SPOCD1: variants seen among roughly 807,000 people sequenced by gnomAD.
The protein encoded by SPOCD1 is SPOC domain containing 1.
Under a neutral mutation model 92.2 loss-of-function variants are expected in SPOCD1, and 64 were observed. That is an observed-to-expected ratio of 0.69 (90% CI 0.57 to 0.86). The LOEUF (loss-of-function observed/expected upper bound fraction) is 0.86, where lower values mean the gene tolerates loss of function less well. Among genes scored for constraint, SPOCD1 ranks in the 40% least tolerant of loss-of-function variants. The probability of loss-of-function intolerance (pLI) is 0.00; values close to 1 mark genes in which losing one functional copy is unlikely to be tolerated. For missense variants in SPOCD1, 1,360 were observed against 1,543.1 expected (o/e 0.88, Z 1.99); for synonymous variants, 578 against 619.3 (o/e 0.93, Z 0.99).
intron 15 of SPOCD1, 111 bp from the exon 16 acceptor site, chr1:31,791,402 AG>A (rs1647584202): frequency 1.4e-5 from 12 of 855,964 alleles, no homozygotes; most frequent in Non-Finnish European, 1.7e-5. Context: ...AAAAGTAAGT[AG>A]GAAGGTGGGG....
intron 10 of SPOCD1, 150 bp downstream of exon 10, chr1:31,796,440 G>A (rs1648026512): frequency 3.3e-6 from 4 of 1,205,044 alleles, no homozygotes; most frequent in South Asian, 1.3e-5. Context: ...GTTCCCCTAT[G>A]CGTTAAGGAT....
At chr1:31,801,922 C>G (rs1648495207) in intron 2 of SPOCD1, among the ~76,000 whole-genome samples, 1 of 152,212 alleles carries the variant, frequency 6.6e-6, no homozygotes, top group African/African-American at 2.4e-5. Context: ...AATCCCAGCA[C>G]TTTGGGAGGC....
chr1:31,796,484 CT>C (rs747356830), intron 10 of SPOCD1, 105 bp downstream of exon 10: 3 of 1,565,888 alleles, frequency 1.9e-6, no homozygotes, highest in Admixed American at 1.7e-5. Flanking sequence ...CAAGGTGGGC[CT>C]CAGAGCAGTC....
At chr1:31,810,262 C>G (rs1207469473) in intron 2 of SPOCD1, among the ~76,000 whole-genome samples, 1 of 152,024 alleles carries the variant, frequency 6.6e-6, no homozygotes, top group Admixed American at 6.6e-5. Context: ...AACCCTGGCT[C>G]GGCCACTTAC....
At position 31,814,517 on chromosome 1, in the gene SPOCD1, C is replaced by G; in HGVS notation, c.817G>C (p.Gly273Arg). The G allele has an allele frequency of 6.5e-7, 1 of 1,540,178 alleles. No individual in the cohort carries two copies. The highest frequency in any genetic ancestry group is 2.3e-5 in the East Asian group (1 of 44,004). The change falls in exon 2 of 16, where the codon GGA becomes CGA. Residue 273 changes from glycine (G) to arginine (R), a missense_variant. Gly to Arg is a moderately radical substitution (Grantham distance 125). Transcript: ENST00000360482. This position sits in a 1 kb window ranked among gnomAD's most constrained non-coding sequence, Gnocchi z 4.2. ...DTGSGPGEPGGSGAGCASGTE... is the reference protein window; with the variant it reads ...DTGSGPGEPGRSGAGCASGTE... The stretch of plus-strand genomic sequence containing the variant: ...CCTGAGGCACATCCTGCCCCACTTC[C>G]ACCTGGCTCTCCAGGCCCAGACCCA...
rs1415392185 is a variant in SPOCD1, at chr1:31,793,523, C to T, written c.2535-95G>A. The T allele has an allele frequency of 2.0e-6, 3 of 1,523,868 alleles. No individual in the cohort carries two copies. In the South Asian group the frequency reaches 3.6e-5, roughly 18 times the overall value. 94.4% of individuals were successfully genotyped at this position (1,523,868 alleles called of 1,614,324 possible). A position where few individuals can be genotyped will look rare whatever the true frequency, so the allele number is the denominator to read the frequency against. On this transcript the variant is annotated intron_variant, in intron 12 of 15. Coordinates refer to ENST00000360482, the MANE Select transcript of SPOCD1 (RefSeq NM_144569.7). Reference sequence around the variant, plus strand: ...TTTCAGAGCAGATCCTGTGTCCCTACTGTGGGGACTGGAACACTGGCCCAA... The same window carrying T: ...TTTCAGAGCAGATCCTGTGTCCCTATTGTGGGGACTGGAACACTGGCCCAA...
chr1:31,806,328 A>G (rs1234504082), intron 2 of SPOCD1, among the ~76,000 whole-genome samples: 1 of 152,198 alleles, frequency 6.6e-6, no homozygotes, highest in African/African-American at 2.4e-5. Context: ...TCCAGTATAC[A>G]TGCAACATAT....
Position 31,814,055 on chromosome 1 carries a change from T to C in SPOCD1, c.1279A>G (p.Lys427Glu), listed in dbSNP as rs748224733. 1 of 1,613,706 alleles carries C rather than the reference T, an allele frequency of 6.2e-7. No individual in the cohort carries two copies. The change falls in exon 2 of 16, where the codon AAA becomes GAA. Residue 427 changes from lysine to glutamate, a missense_variant. By Grantham distance (56) the Lys-to-Glu change is moderately conservative. Transcript: ENST00000360482. The surrounding 1 kb of genome is among the most constrained non-coding windows in gnomAD (Gnocchi z 4.2). ...TCTTGGGCACAGGGCACTGGACCTT[T>C]CTTCAGGTTCTTAGTGCCCTTGGAT... ...RRSKGTKNLK[K>E]GPVPCAQDRG...
intron 2 of SPOCD1, among the ~76,000 whole-genome samples, chr1:31,810,365 T>C (rs1649119517): frequency 6.6e-6 from 1 of 151,210 alleles, no homozygotes; most frequent in Non-Finnish European, 1.5e-5. Context: ...TTTTTTTTTT[T>C]TTTTTTGAGA....
rs980226237 is a variant in SPOCD1, at chr1:31,800,110, G to A, written c.1634C>T (p.Ala545Val). ...GTCAGAGAGGCCACCAGGGTCCCCT[G>A]CTGTGCCTCCTGAAGGAGAAGGCTG... ...VFQPSPSGGT[A>V]GDPGGLSDPF... The change falls in exon 5 of 16, where the codon GCA becomes GTA. Residue 545 changes from alanine to valine, a missense_variant. Physicochemically the swap from Ala to Val is moderately conservative, Grantham distance 64. Coordinates refer to ENST00000360482, the MANE Select transcript of SPOCD1 (RefSeq NM_144569.7). 3 of 1,604,876 alleles carry A rather than the reference G, an allele frequency of 1.9e-6. No individual in the cohort carries two copies. The highest frequency in any genetic ancestry group is 1.8e-5 in the Admixed American group (1 of 56,626).
At chr1:31,799,931 T>C in intron 5 of SPOCD1, 68 bp from the exon 6 acceptor site, 1 of 1,613,452 alleles carries the variant, frequency 6.2e-7, no homozygotes, top group Non-Finnish European at 8.5e-7. Context: ...GGGACACTGC[T>C]TCCTCTAGTC....
intron 10 of SPOCD1, chr1:31,795,357 G>A (rs929436073): frequency 1.3e-5 from 2 of 152,166 alleles, no homozygotes; most frequent in African/African-American, 2.4e-5. Context: ...ATGTGACCTT[G>A]GTGCCAGGTT....
rs561048685 is a variant in SPOCD1 at position 31,808,319 on chromosome 1, A to G, written c.1383+5632T>C. On this transcript the variant is annotated intron_variant, in intron 2 of 15. Transcript: ENST00000360482. ...TGTTCCAGCAAGGCAAGAACTTAAC[A>G]TTTTAAAAAACTTAATATTTAAAAA... 5.9e-5 allele frequency among the ~76,000 whole-genome samples: 9 copies of G among 152,024 alleles called. No individual in the cohort carries two copies. The South Asian group carries it at 1.9e-3, about 31-fold the overall frequency.
Position 31,798,262 on chromosome 1 carries a change from G to A in SPOCD1, c.2090C>T (p.Ser697Leu), listed in dbSNP as rs752454097. Reference sequence around the variant, plus strand: ...CAGCTCCTGGGGGGCCAGCTGCATCGAGCTCATCCGCACCAGGTCGTAGGG... The same window carrying A: ...CAGCTCCTGGGGGGCCAGCTGCATCAAGCTCATCCGCACCAGGTCGTAGGG... ...VTPYDLVRMS[S>L]MQLAPQELAR... The change falls in exon 9 of 16, where the codon TCG becomes TTG. Residue 697 changes from serine (S) to leucine (L), a missense_variant. Coordinates refer to ENST00000360482, the MANE Select transcript of SPOCD1 (RefSeq NM_144569.7). This position sits in a 1 kb window ranked among gnomAD's most constrained non-coding sequence, Gnocchi z 4.1. 2 of 1,612,736 alleles carry A rather than the reference G, an allele frequency of 1.2e-6. No individual in the cohort carries two copies. The highest frequency in any genetic ancestry group is 1.3e-5 in the African/African-American group (1 of 74,878).
chr1:31,793,921 T>C (rs1647802746), intron 11 of SPOCD1, 24 bp from the exon 12 acceptor site: 2 of 1,599,576 alleles, frequency 1.3e-6, no homozygotes, highest in East Asian at 4.5e-5. Context: ...AGGCAGGAGC[T>C]GAAACAGGGG....
At position 31,815,346 on chromosome 1, in the gene SPOCD1, A is replaced by C. The variant is rs766218114; in HGVS notation, c.-13T>G. 2.6e-6 allele frequency: 4 copies of C among 1,521,710 alleles called. No individual in the cohort carries two copies. The highest frequency in any genetic ancestry group is 2.1e-5 in the Admixed American group (1 of 46,864). 94.3% of individuals were successfully genotyped at this position (1,521,710 alleles called of 1,614,324 possible). A position where few individuals can be genotyped will look rare whatever the true frequency, so the allele number is the denominator to read the frequency against. ...CCGCCTGGGACATGTCTGTCCACCT[A>C]CCTGGGCCAAAAGCACAACACGGGC... is the stretch of plus-strand genomic sequence containing the variant. On this transcript the variant is annotated 5_prime_UTR_variant, in exon 2 of 16. Coordinates refer to ENST00000360482, the MANE Select transcript of SPOCD1 (RefSeq NM_144569.7).
rs1648230624 is a variant in SPOCD1 at position 31,798,967 on chromosome 1, A to G, written c.1869-366T>C. On this transcript the variant is annotated intron_variant, in intron 7 of 15. Coordinates refer to ENST00000360482, the MANE Select transcript of SPOCD1 (RefSeq NM_144569.7). This position sits in a 1 kb window ranked among gnomAD's most constrained non-coding sequence, Gnocchi z 4.1. ...GTCAGGTCAGAGTAAGGCAGGAGTC[A>G]GGGGGAGAGAATGGAGCCCTGGCCC... 3 of 536,372 alleles carry G rather than the reference A, an allele frequency of 5.6e-6. No individual in the cohort carries two copies. The East Asian group carries it at 9.1e-5, about 16-fold the overall frequency. The allele number at this position is 536,372 out of a possible 1,614,324, so 33.2% of individuals were successfully genotyped here. A position where few individuals can be genotyped will look rare whatever the true frequency, so the allele number is the denominator to read the frequency against.
chr1:31,794,944 C>T (rs560279497), intron 10 of SPOCD1: 4 of 152,292 alleles, frequency 2.6e-5, no homozygotes, highest in East Asian at 3.9e-4. Context: ...ATATAGTCCC[C>T]GTAGACACTG....
Position 31,800,203 on chromosome 1 carries a change from C to A in SPOCD1, c.1603-62G>T, listed in dbSNP as rs931839251. ...TGGAGGCCAGGGACTGTTCCCTCCC[C>A]AGATGTACTGGAGGCCCAGCCCCTC... On this transcript the variant is annotated intron_variant, in intron 4 of 15. Coordinates refer to ENST00000360482, the MANE Select transcript of SPOCD1 (RefSeq NM_144569.7). 27 of 1,526,254 alleles carry A rather than the reference C, an allele frequency of 1.8e-5. No homozygotes were observed. The East Asian group carries it at 5.1e-4, about 29-fold the overall frequency. 94.5% of individuals were successfully genotyped at this position (1,526,254 alleles called of 1,614,324 possible). A position where few individuals can be genotyped will look rare whatever the true frequency, so the allele number is the denominator to read the frequency against.
Sources: allele counts gnomAD v4.1 joint callset (sites outside exome capture counted in the v4.1 genomes callset), GRCh38; gene constraint gnomAD v4.1.1; non-coding constraint Gnocchi (gnomAD v3.1); transcripts MANE v1.5; gene names NCBI Gene and HGNC (gene_info 2026-07-23, HGNC 2026-07-21).